Variants in TRIM49 observed in about 807,000 individuals in gnomAD.
TRIM49 encodes the protein tripartite motif containing 49.
Under a neutral mutation model 27.4 loss-of-function variants are expected in TRIM49, and 5 were observed. The observed-to-expected ratio is 0.18, with a 90% CI of 0.10 to 0.38. The LOEUF is 0.38. TRIM49 is among the 10% of genes least tolerant of loss of function. The pLI is 1.00. For missense variants in TRIM49, 188 were observed against 487.5 expected (o/e 0.39, Z 5.79); for synonymous variants, 69 against 166.0 (o/e 0.42, Z 4.49).
At chr11:89,774,261 C>A in the TRIM49 span, among the ~76,000 whole-genome samples, 2 of 150,568 alleles carry the variant, frequency 1.3e-5, no homozygotes, top group Non-Finnish European at 2.9e-5. Flanking sequence ...GGGCCTCCCA[C>A]AGTGCTGGGA....
chr11:89,777,726 T>A, the TRIM49 span, among the ~76,000 whole-genome samples: 11 of 150,114 alleles, frequency 7.3e-5, no homozygotes, highest in Non-Finnish European at 1.3e-4. Context: ...GAAGGGTCCC[T>A]TAAAACTCTC....
At chr11:89,773,878 A>G in the TRIM49 span, among the ~76,000 whole-genome samples, 1 of 136,822 alleles carries the variant, frequency 7.3e-6, no homozygotes, top group Non-Finnish European at 1.5e-5. Context: ...CAGAGGTTGC[A>G]GTGAGCTAAG....
Position 89,802,495 on chromosome 11 carries a change from G to A in TRIM49, c.508-563C>T, listed in dbSNP as rs530219081. On this transcript the variant is annotated intron_variant, in intron 4 of 7. Coordinates refer to ENST00000329758, the MANE Select transcript of TRIM49 (RefSeq NM_020358.2). Reference sequence around the variant, plus strand: ...ACATAGACTTCTTTGTGGTTCTTCCGGCCTCCAAATATACACAAACTCAAA... The same window carrying A: ...ACATAGACTTCTTTGTGGTTCTTCCAGCCTCCAAATATACACAAACTCAAA... Among the ~76,000 whole-genome samples, 37 of 150,742 alleles carry A rather than the reference G, an allele frequency of 2.5e-4. No individual in the cohort carries two copies. The East Asian group carries it at 3.7e-3, about 15-fold the overall frequency.
At chr11:89,784,610 C>G in the TRIM49 span, among the ~76,000 whole-genome samples, 47 of 138,916 alleles carry the variant, frequency 3.4e-4, 7 homozygotes, top group African/African-American at 1.4e-3. Flanking sequence ...CCTTAGGGCT[C>G]CAACCCAGCA....
At chr11:89,774,430 T>C in the TRIM49 span, among the ~76,000 whole-genome samples, 1 of 150,442 alleles carries the variant, frequency 6.6e-6, no homozygotes, top group African/African-American at 2.5e-5. Flanking sequence ...TCAGCCAATT[T>C]ATCCCTTTCT....
At position 89,798,504 on chromosome 11, in the gene TRIM49, G is replaced by A; in HGVS notation, c.985C>T (p.Leu329Phe). 1.9e-6 allele frequency: 3 copies of A among 1,593,658 alleles called. No individual in the cohort carries two copies. Among genetic ancestry groups the A allele is most frequent in the Non-Finnish European group, 2.6e-6 (3 of 1,174,116 alleles). The change falls in exon 8 of 8, where the codon CTT becomes TTT. Residue 329 changes from leucine to phenylalanine, a missense_variant. Leu to Phe is a conservative substitution (Grantham distance 22). Around this residue, in one of 6 missense-constraint regions of TRIM49, gnomAD observed 94 missense variants for 149.6 expected, o/e 0.63. Transcript: ENST00000329758. ...GTGAAAGTCTGAACACCCCATGCAA[G>A]AAAACTTCTAGGTGTTGCAGTGAAA... ...PYFTATPRSF[L>F]AWGVQTFTSG...
chr11:89,807,534 G>T (rs1268730057), intron 1 of TRIM49, among the ~76,000 whole-genome samples: 1 of 150,530 alleles, frequency 6.6e-6, no homozygotes, highest in Non-Finnish European at 1.5e-5. Flanking sequence ...CATGATACAG[G>T]CATTCCTCTA....
At chr11:89,783,594 G>T in the TRIM49 span, among the ~76,000 whole-genome samples, 1 of 131,376 alleles carries the variant, frequency 7.6e-6, no homozygotes, top group Non-Finnish European at 1.6e-5. Context: ...GCAGGACTTA[G>T]AATAGTGGAG....
At chr11:89,792,626 A>G in the TRIM49 span, among the ~76,000 whole-genome samples, 1 of 152,124 alleles carries the variant, frequency 6.6e-6, no homozygotes, top group Admixed American at 6.5e-5. Context: ...AAACTGAACA[A>G]CCTGCTCCTG....
chr11:89,774,069 C>T, the TRIM49 span, among the ~76,000 whole-genome samples: 3 of 147,124 alleles, frequency 2.0e-5, no homozygotes, highest in East Asian at 2.0e-4. Context: ...GGTGCTATCT[C>T]GGCTCAGTGT....
intron 6 of TRIM49, among the ~76,000 whole-genome samples, chr11:89,800,023 T>TC (rs1949722012): frequency 6.8e-6 from 1 of 147,292 alleles, no homozygotes; most frequent in Non-Finnish European, 1.5e-5. Context: ...ATCTGATCCT[T>TC]CTTTTTTTTT....
chr11:89,768,538 A>C, the TRIM49 span, among the ~76,000 whole-genome samples: 1 of 135,328 alleles, frequency 7.4e-6, no homozygotes, highest in African/African-American at 3.5e-5. Context: ...TCTGAATCCT[A>C]AAAAGAGGCA....
chr11:89,793,364 T>A (rs1949668052), downstream of TRIM49, among the ~76,000 whole-genome samples: 1 of 152,094 alleles, frequency 6.6e-6, no homozygotes, highest in Non-Finnish European at 1.5e-5. Flanking sequence ...AAAGAGGGAA[T>A]CCTCCCTAAC....
At chr11:89,800,620 G>C (rs952402700) in intron 6 of TRIM49, among the ~76,000 whole-genome samples, 4 of 150,126 alleles carry the variant, frequency 2.7e-5, no homozygotes, top group African/African-American at 9.9e-5. Flanking sequence ...GCGGGCGCCT[G>C]TAGTCCCGGG....
Position 89,804,010 on chromosome 11 carries a change from G to A in TRIM49, c.411+49C>T, listed in dbSNP as rs749393937. The A allele has an allele frequency of 2.8e-5, 45 of 1,611,388 alleles. No individual in the cohort carries two copies. The South Asian group carries it at 4.5e-4, about 16-fold the overall frequency. ...AATCTCCAAGAAAATAGACCCACAG[G>A]AATTTTATGCTTCCTTTACAGAAAT... On this transcript the variant is annotated intron_variant, in intron 3 of 7. Coordinates refer to ENST00000329758, the MANE Select transcript of TRIM49 (RefSeq NM_020358.2).
chr11:89,784,613 A>G, the TRIM49 span, among the ~76,000 whole-genome samples: 1 of 138,804 alleles, frequency 7.2e-6, no homozygotes. Context: ...TAGGGCTCCA[A>G]CCCAGCACTC....
intron 4 of TRIM49, among the ~76,000 whole-genome samples, chr11:89,802,536 G>C (rs1480285420): frequency 6.7e-6 from 1 of 148,712 alleles, no homozygotes; most frequent in Non-Finnish European, 1.5e-5. Flanking sequence ...TGCATATGCT[G>C]TTCTCTCCAA....
chr11:89,785,521 TAA>T, the TRIM49 span, among the ~76,000 whole-genome samples: 11 of 140,872 alleles, frequency 7.8e-5, no homozygotes, highest in African/African-American at 2.3e-4. Flanking sequence ...TCTCAAAACA[TAA>T]AGTGTTCTAA....
At chr11:89,805,783 T>C (rs1455151556) in intron 2 of TRIM49, among the ~76,000 whole-genome samples, 18 of 149,274 alleles carry the variant, frequency 1.2e-4, no homozygotes, top group Admixed American at 1.2e-3. Context: ...AGTGGCGTGA[T>C]CTCGGCTCAC....
Sources: gnomAD v4.1 joint callset for allele counts (sites outside exome capture counted in the v4.1 genomes callset) on GRCh38, gnomAD v4.1.1 for gene constraint, gnomAD v4.1.1 regional missense constraint, MANE v1.5 for transcripts, NCBI Gene and HGNC (gene_info 2026-07-23, HGNC 2026-07-21) for gene names.